Variants in CSMD1 observed in about 807,000 individuals in gnomAD.
CSMD1 encodes the protein CUB and sushi domain-containing protein 1.
Under a neutral mutation model 417.5 loss-of-function variants are expected in CSMD1, and 213 were observed. The observed-to-expected ratio is 0.51, with a 90% CI of 0.46 to 0.57. The LOEUF (loss-of-function observed/expected upper bound fraction) is 0.57. Among genes scored for constraint, CSMD1 ranks in the 20% least tolerant of loss-of-function variants. The pLI is 0.00. For missense variants in CSMD1, 6,923 were observed against 4,529.7 expected (o/e 1.53, Z -15.17); for synonymous variants, 2,862 against 1,736.8 (o/e 1.65, Z -16.11).
intron 15 of CSMD1, among the ~76,000 whole-genome samples, chr8:3,402,099 G>C (rs939774798): frequency 6.6e-6 from 1 of 151,792 alleles, no homozygotes; most frequent in Admixed American, 6.6e-5. Flanking sequence ...ATCTCATTGG[G>C]GTTACATTAA....
At chr8:4,720,413 T>G (rs1249983194) in intron 1 of CSMD1, among the ~76,000 whole-genome samples, 2 of 151,984 alleles carry the variant, frequency 1.3e-5, no homozygotes, top group Non-Finnish European at 1.5e-5. Flanking sequence ...TACTTCTCAT[T>G]TGAATAATTT....
intron 1 of CSMD1, among the ~76,000 whole-genome samples, chr8:4,668,282 G>C (rs914710153): frequency 8.6e-5 from 13 of 152,026 alleles, no homozygotes; most frequent in East Asian, 3.9e-4. Flanking sequence ...CACGTTTGTA[G>C]GCTTTTCCAT....
At chr8:4,883,509 T>G (rs1176959459) in intron 1 of CSMD1, among the ~76,000 whole-genome samples, 3 of 152,114 alleles carry the variant, frequency 2.0e-5, no homozygotes, top group Non-Finnish European at 4.4e-5. Flanking sequence ...CAACCAGATG[T>G]TGACAACCAC....
intron 5 of CSMD1, 21 bp from the exon 6 acceptor site, chr8:3,754,063 A>C: frequency 6.5e-7 from 1 of 1,546,450 alleles, no homozygotes; most frequent in South Asian, 1.1e-5. Context: ...GAAAGAGGAA[A>C]AAAATCTCCC....
chr8:3,506,690 G>C (rs181879860), intron 10 of CSMD1, among the ~76,000 whole-genome samples: 39 of 152,198 alleles, frequency 2.6e-4, no homozygotes, highest in Non-Finnish European at 4.9e-4. Context: ...TCCGAATTTG[G>C]GGTGTCATGA....
chr8:4,853,936 G>T (rs1338260078), intron 1 of CSMD1, among the ~76,000 whole-genome samples: 1 of 152,130 alleles, frequency 6.6e-6, no homozygotes, highest in Non-Finnish European at 1.5e-5. Context: ...AGAATTATGT[G>T]GGGCTTATTA....
chr8:3,502,406 C>G (rs1242775231), intron 10 of CSMD1, among the ~76,000 whole-genome samples: 1 of 148,390 alleles, frequency 6.7e-6, no homozygotes, highest in Non-Finnish European at 1.5e-5. Flanking sequence ...CAACAAACAA[C>G]TGCACATGTA....
intron 1 of CSMD1, among the ~76,000 whole-genome samples, chr8:4,833,145 C>A (rs1800251215): frequency 6.6e-6 from 1 of 151,992 alleles, no homozygotes. Context: ...AATTGATATC[C>A]ACTGTATTAG....
At chr8:3,623,068 T>G (rs9650508) in intron 7 of CSMD1, among the ~76,000 whole-genome samples, 60,031 of 151,726 alleles carry the variant, frequency 0.4, 11,939 homozygotes, top group Middle Eastern at 0.48. Context: ...ATCAATAGAT[T>G]GGTTCATTAC....
chr8:4,727,426 C>G (rs1809532866), intron 1 of CSMD1, among the ~76,000 whole-genome samples: 1 of 151,998 alleles, frequency 6.6e-6, no homozygotes, highest in African/African-American at 2.4e-5. Flanking sequence ...TAAGTCAGTC[C>G]CTGGAATTAT....
intron 5 of CSMD1, among the ~76,000 whole-genome samples, chr8:3,798,221 G>C (rs1043015809): frequency 6.6e-6 from 1 of 151,948 alleles, no homozygotes; most frequent in East Asian, 1.9e-4. Context: ...TGTATGAAAT[G>C]AGCTGTAGCT....
At chr8:3,668,787 G>A (rs1798835072) in intron 7 of CSMD1, among the ~76,000 whole-genome samples, 1 of 152,076 alleles carries the variant, frequency 6.6e-6, no homozygotes, top group South Asian at 2.1e-4. Flanking sequence ...TCTAGTTTTG[G>A]CTCATTTTGT....
intron 1 of CSMD1, among the ~76,000 whole-genome samples, chr8:4,670,430 A>G (rs1032840872): frequency 3.3e-5 from 5 of 152,190 alleles, no homozygotes; most frequent in African/African-American, 9.7e-5. Context: ...TTGGATAGTC[A>G]AGGAGCAAAC....
chr8:4,761,320 A>G (rs1411905307), intron 1 of CSMD1, among the ~76,000 whole-genome samples: 1 of 152,022 alleles, frequency 6.6e-6, no homozygotes, highest in Non-Finnish European at 1.5e-5. Context: ...AATGGAAACA[A>G]AATGTAAAAG....
rs117238904 is a variant in CSMD1 at position 3,421,810 on chromosome 8, G to C, written c.1562-12205C>G. 4.4e-4 allele frequency among the ~76,000 whole-genome samples: 67 copies of C among 152,242 alleles called. 3 individuals are homozygous for C. The East Asian group carries it at 0.011, about 26-fold the overall frequency. On this transcript the variant is annotated intron_variant, in intron 12 of 69. Transcript: ENST00000635120. Reference sequence around the variant, plus strand: ...ATGACACCATGCCCAGGTAATTCTTGTATTTTTCGTACAGACAGGGTTTCA... The same window carrying C: ...ATGACACCATGCCCAGGTAATTCTTCTATTTTTCGTACAGACAGGGTTTCA...
At chr8:3,035,944 G>C (rs567698743) in intron 50 of CSMD1, among the ~76,000 whole-genome samples, 1 of 152,058 alleles carries the variant, frequency 6.6e-6, no homozygotes, top group Non-Finnish European at 1.5e-5. Flanking sequence ...ACATTTACTG[G>C]AGATCATTTC....
intron 39 of CSMD1, among the ~76,000 whole-genome samples, chr8:3,153,024 G>A (rs1236611234): frequency 6.6e-6 from 1 of 152,234 alleles, no homozygotes; most frequent in Non-Finnish European, 1.5e-5. Flanking sequence ...GTACTGGGCT[G>A]CATTCCCAGA....
intron 21 of CSMD1, among the ~76,000 whole-genome samples, chr8:3,354,636 C>A (rs2117678654): frequency 6.6e-6 from 1 of 151,946 alleles, no homozygotes; most frequent in African/African-American, 2.4e-5. Context: ...ATTCATTATC[C>A]TATAAACCTT....
intron 7 of CSMD1, among the ~76,000 whole-genome samples, chr8:3,628,166 T>C (rs1796588122): frequency 6.6e-6 from 1 of 152,182 alleles, no homozygotes; most frequent in Non-Finnish European, 1.5e-5. Context: ...CCCCCTTTGG[T>C]TACTGAATCT....
Sources: gnomAD v4.1 joint callset for allele counts (sites outside exome capture counted in the v4.1 genomes callset) on GRCh38, gnomAD v4.1.1 for gene constraint, MANE v1.5 for transcripts, NCBI Gene and HGNC (gene_info 2026-07-23, HGNC 2026-07-21) for gene names.